EVI5: variants seen among roughly 807,000 people sequenced by gnomAD.
EVI5 encodes ecotropic viral integration site 5 protein homolog.
In EVI5, 73 loss-of-function variants were observed where a neutral mutation model predicts 112.0. The observed-to-expected ratio is 0.65, with a 90% CI of 0.54 to 0.79. The LOEUF is 0.79. Among genes scored for constraint, EVI5 ranks in the 30% least tolerant of loss-of-function variants. EVI5 has a pLI of 0.00. For missense variants in EVI5, 900 were observed against 968.8 expected (o/e 0.93, Z 0.94); for synonymous variants, 305 against 319.9 (o/e 0.95, Z 0.50).
At chr1:92,640,194 T>C (rs895356521) in intron 13 of EVI5, among the ~76,000 whole-genome samples, 1 of 152,174 alleles carries the variant, frequency 6.6e-6, no homozygotes, top group Admixed American at 6.5e-5. Context: ...ATTCAGGACA[T>C]AGGCATGGGC....
At chr1:92,668,368 C>T (rs138741749) in intron 10 of EVI5, among the ~76,000 whole-genome samples, 1 of 152,194 alleles carries the variant, frequency 6.6e-6, no homozygotes, top group African/African-American at 2.4e-5. Context: ...CACAAATAAG[C>T]AATTATTAAA....
intron 4 of EVI5, among the ~76,000 whole-genome samples, chr1:92,702,776 A>C (rs1418428184): frequency 1.3e-5 from 2 of 150,032 alleles, no homozygotes; most frequent in Non-Finnish European, 1.5e-5. Flanking sequence ...GCTGCACTCC[A>C]GCCTGGGCAA....
intron 19 of EVI5, among the ~76,000 whole-genome samples, chr1:92,544,082 C>T (rs1251179779): frequency 1.3e-5 from 2 of 152,178 alleles, no homozygotes; most frequent in Admixed American, 6.5e-5. Context: ...CAGAAAACCA[C>T]AGGTTCTATG....
intron 18 of EVI5, among the ~76,000 whole-genome samples, chr1:92,575,293 A>G (rs1044060085): frequency 6.6e-6 from 1 of 152,184 alleles, no homozygotes; most frequent in Admixed American, 6.6e-5. Context: ...AACCACTGGA[A>G]TGTAAATTGC....
chr1:92,630,739 T>C (rs1167713055), intron 14 of EVI5, among the ~76,000 whole-genome samples: 1 of 152,202 alleles, frequency 6.6e-6, no homozygotes, highest in African/African-American at 2.4e-5. Flanking sequence ...ATGAAGTCCT[T>C]GCCCACGCCT....
intron 19 of EVI5, among the ~76,000 whole-genome samples, chr1:92,517,631 C>T (rs1660133463): frequency 6.6e-6 from 1 of 152,148 alleles, no homozygotes; most frequent in Non-Finnish European, 1.5e-5. Context: ...TGTTCCGGGC[C>T]AATTCTACCA....
chr1:92,675,561 C>T (rs190284459), intron 10 of EVI5, among the ~76,000 whole-genome samples: 21 of 151,854 alleles, frequency 1.4e-4, no homozygotes, highest in Non-Finnish European at 2.4e-4. Context: ...TTTGCAGTTC[C>T]GAATATTCGT....
intron 13 of EVI5, chr1:92,647,611 C>T (rs1661216832): frequency 2.2e-6 from 1 of 458,046 alleles, no homozygotes; most frequent in East Asian, 4.0e-5. Context: ...AGACACCTTT[C>T]CCTCTGGTTT....
upstream of EVI5, among the ~76,000 whole-genome samples, chr1:92,787,437 G>A (rs1056873378): frequency 1.3e-5 from 2 of 152,154 alleles, no homozygotes; most frequent in African/African-American, 2.4e-5. Context: ...ATTGCTTCAA[G>A]AGAGGAAGAC....
chr1:92,619,297 C>T (rs983964115), intron 16 of EVI5, among the ~76,000 whole-genome samples: 1 of 152,088 alleles, frequency 6.6e-6, no homozygotes, highest in Non-Finnish European at 1.5e-5. Flanking sequence ...CTATATCTTT[C>T]CCCCATCCTG....
chr1:92,747,139 C>T (rs1679378652), intron 1 of EVI5, among the ~76,000 whole-genome samples: 3 of 151,530 alleles, frequency 2.0e-5, no homozygotes, highest in Non-Finnish European at 2.9e-5. Context: ...AAAAATAATA[C>T]AGATTTTTTT....
intron 19 of EVI5, among the ~76,000 whole-genome samples, chr1:92,524,122 A>G (rs1279759699): frequency 6.6e-6 from 1 of 150,652 alleles, no homozygotes; most frequent in African/African-American, 2.4e-5. Context: ...AAAAAAAAAA[A>G]GAAACTGCCT....
At chr1:92,722,432 AT>A (rs1199318057) in intron 2 of EVI5, among the ~76,000 whole-genome samples, 12 of 151,938 alleles carry the variant, frequency 7.9e-5, no homozygotes, top group Admixed American at 7.9e-4. Context: ...GTCATTTAGC[AT>A]TAGGTATATC....
In EVI5 at chr1:92,600,771, C is replaced by T. The variant is rs555916176; in HGVS notation, c.2070+4536G>A. ...CTCAGACAGTATGCTGCTGGCTGCCCGCTCACCTCCTGCTGTGCGGCCCGG... is the reference window on the plus strand; with the variant it reads ...CTCAGACAGTATGCTGCTGGCTGCCTGCTCACCTCCTGCTGTGCGGCCCGG... On this transcript the variant is annotated intron_variant, in intron 18 of 19. Coordinates refer to ENST00000684568, the MANE Select transcript of EVI5 (RefSeq NM_001350197.2). Among the ~76,000 whole-genome samples the T allele has an allele frequency of 5.9e-5, 9 of 152,262 alleles. No individual in the cohort carries two copies. In the East Asian group the frequency reaches 7.7e-4, roughly 13 times the overall value.
chr1:92,721,558 A>C (rs888093487), intron 2 of EVI5, among the ~76,000 whole-genome samples: 2 of 152,202 alleles, frequency 1.3e-5, no homozygotes, highest in African/African-American at 4.8e-5. Context: ...GGATAGCATT[A>C]GGAGAAATAC....
At chr1:92,735,644 A>AAT (rs1677226014) in intron 2 of EVI5, among the ~76,000 whole-genome samples, 2 of 14,898 alleles carry the variant, frequency 1.3e-4, no homozygotes, top group South Asian at 6.3e-3. Flanking sequence ...TATGTCATAT[A>AAT]TATATATAAT....
intron 19 of EVI5, among the ~76,000 whole-genome samples, chr1:92,531,958 T>C (rs943145546): frequency 2.0e-5 from 3 of 152,100 alleles, no homozygotes; most frequent in Admixed American, 1.3e-4. Context: ...TAAACATAAA[T>C]GGGCTAAATG....
chr1:92,677,128 C>T, intron 10 of EVI5, 30 bp downstream of exon 10: 4 of 1,392,466 alleles, frequency 2.9e-6, no homozygotes, highest in Non-Finnish European at 4.0e-6. Flanking sequence ...TTCAATCAAT[C>T]AGTACTTTAA....
chr1:92,697,217 TAATTGA>T (rs971795778), intron 6 of EVI5, among the ~76,000 whole-genome samples: 1 of 152,216 alleles, frequency 6.6e-6, no homozygotes, highest in East Asian at 1.9e-4. Flanking sequence ...TCTGCTCATT[TAATTGA>T]AATTGAAATT....
Sources: allele counts gnomAD v4.1 joint callset (sites outside exome capture counted in the v4.1 genomes callset), GRCh38; gene constraint gnomAD v4.1.1; transcripts MANE v1.5; gene names NCBI Gene and HGNC (gene_info 2026-07-23, HGNC 2026-07-21).